The following LPGAT1 variants were observed in gnomAD, a reference collection of about 807,000 sequenced individuals.
LPGAT1 encodes lysophosphatidylglycerol acyltransferase 1.
A neutral mutation model predicts 47.5 loss-of-function variants in LPGAT1; 11 were observed. The observed-to-expected ratio is 0.23, with a 90% CI of 0.15 to 0.38. The LOEUF is 0.38. LPGAT1 is among the 10% of genes least tolerant of loss of function. LPGAT1 has a pLI of 1.00. For synonymous variants in LPGAT1, 138 were observed against 144.2 expected (o/e 0.96, Z 0.31); for missense variants, 293 against 439.0 (o/e 0.67, Z 2.97).
At position 211,808,083 on chromosome 1, in the gene LPGAT1, C is replaced by T. The variant is rs564450589; in HGVS notation, c.239-14893G>A. ...ATATCCCAAGTATATAGAAAACTCA[C>T]GCCTGTAATCCCAGCACTTTGGGAG... On this transcript the variant is annotated intron_variant, in intron 2 of 7. Coordinates refer to ENST00000366997, the MANE Select transcript of LPGAT1 (RefSeq NM_014873.3). Among the ~76,000 whole-genome samples, 20 of 152,248 alleles carry T rather than the reference C, an allele frequency of 1.3e-4. No individual in the cohort carries two copies. In the South Asian group the frequency reaches 3.7e-3, roughly 28 times the overall value.
Position 211,750,986 on chromosome 1 carries a change from GTCT to G in LPGAT1, c.933_935del (p.Glu311del). The G allele has an allele frequency of 6.2e-7, 1 of 1,613,030 alleles. No individual in the cohort carries two copies. Among genetic ancestry groups the G allele is most frequent in the Non-Finnish European group, 8.5e-7 (1 of 1,179,078 alleles). On this transcript the variant is annotated inframe_deletion, in exon 7 of 8. Coordinates refer to ENST00000366997, the MANE Select transcript of LPGAT1 (RefSeq NM_014873.3). ...CTGTTTCATAAAAATGTGATAAGAGGTCTTCTTTTTCAACAAACCGCTGATAGA... is the reference window on the plus strand; with the variant it reads ...CTGTTTCATAAAAATGTGATAAGAGGTCTTTTTCAACAAACCGCTGATAGA...
At chr1:211,779,210 G>A (rs1327555809) in intron 5 of LPGAT1, among the ~76,000 whole-genome samples, 166 bp from the exon 6 acceptor site, 1 of 152,130 alleles carries the variant, frequency 6.6e-6, no homozygotes, top group Non-Finnish European at 1.5e-5. Flanking sequence ...CTCTTCAGAA[G>A]AAATTAAGGA....
At chr1:211,791,611 G>A (rs1186741842) in intron 3 of LPGAT1, among the ~76,000 whole-genome samples, 1 of 152,000 alleles carries the variant, frequency 6.6e-6, no homozygotes, top group Non-Finnish European at 1.5e-5. Flanking sequence ...AGCCAGGCAT[G>A]GTACCCGTGC....
chr1:211,811,105 C>T (rs1484231907), intron 2 of LPGAT1, among the ~76,000 whole-genome samples: 1 of 152,182 alleles, frequency 6.6e-6, no homozygotes, highest in Non-Finnish European at 1.5e-5. Context: ...ACCATATCCT[C>T]CAATTCTTTA....
At chr1:211,788,497 A>G (rs540188024) in intron 3 of LPGAT1, among the ~76,000 whole-genome samples, 55 of 152,244 alleles carry the variant, frequency 3.6e-4, no homozygotes, top group Non-Finnish European at 7.2e-4. Flanking sequence ...AGCCTGGCCA[A>G]AATGGTGAAA....
intron 2 of LPGAT1, 69 bp from the exon 3 acceptor site, chr1:211,793,259 G>GA: frequency 1.0e-6 from 1 of 976,432 alleles, no homozygotes; most frequent in Non-Finnish European, 1.6e-6. Flanking sequence ...CCTTATATTA[G>GA]AAAAAATGAT....
chr1:211,770,737 A>G (rs2102517385), intron 6 of LPGAT1, among the ~76,000 whole-genome samples: 1 of 152,300 alleles, frequency 6.6e-6, no homozygotes, highest in East Asian at 1.9e-4. Context: ...CTCATCACTC[A>G]CTGACTCACT....
chr1:211,787,551 T>C lies in LPGAT1; in HGVS notation c.453+81A>G, dbSNP rs535939929. On this transcript the variant is annotated intron_variant, in intron 4 of 7. Coordinates refer to ENST00000366997, the MANE Select transcript of LPGAT1 (RefSeq NM_014873.3). Reference sequence around the variant, plus strand: ...TAGAAGCAGCCCTACCTATTATAATTGGTTTTGTTATACCTCTTTTTATAA... The same window carrying C: ...TAGAAGCAGCCCTACCTATTATAATCGGTTTTGTTATACCTCTTTTTATAA... The C allele has an allele frequency of 1.7e-4, 120 of 721,766 alleles. No individual in the cohort carries two copies. In the East Asian group the frequency reaches 3.2e-3, roughly 20 times the overall value. The allele number at this position is 721,766 out of a possible 1,614,324, so 44.7% of individuals were successfully genotyped here. A position where few individuals can be genotyped will look rare whatever the true frequency, so the allele number is the denominator to read the frequency against.
intron 6 of LPGAT1, among the ~76,000 whole-genome samples, chr1:211,762,335 G>A (rs1657733442): frequency 6.6e-6 from 1 of 152,120 alleles, no homozygotes; most frequent in Admixed American, 6.5e-5. Context: ...GCTTCAATGG[G>A]GTTGAACACG....
chr1:211,816,620 C>A (rs151171852), intron 2 of LPGAT1, among the ~76,000 whole-genome samples: 1 of 152,118 alleles, frequency 6.6e-6, no homozygotes, highest in Non-Finnish European at 1.5e-5. Flanking sequence ...TTTACACATG[C>A]CTTTTCCCAA....
At chr1:211,818,176 C>G (rs758306659) in intron 2 of LPGAT1, among the ~76,000 whole-genome samples, 6 of 152,108 alleles carry the variant, frequency 3.9e-5, no homozygotes, top group African/African-American at 1.4e-4. Flanking sequence ...GTCTTAGGCA[C>G]TACTAGGGCA....
At chr1:211,756,993 T>A (rs1402221177) in intron 6 of LPGAT1, among the ~76,000 whole-genome samples, 2 of 151,690 alleles carry the variant, frequency 1.3e-5, no homozygotes, top group African/African-American at 2.4e-5. Flanking sequence ...GTGCGGTGGC[T>A]CACACCTGTA....
chr1:211,791,718 G>GTTTCCCTGCTTTCCTC (rs1553310593), intron 3 of LPGAT1, among the ~76,000 whole-genome samples: 1 of 140,584 alleles, frequency 7.1e-6, no homozygotes, highest in Non-Finnish European at 1.5e-5. Flanking sequence ...CTGCACTCCA[G>GTTTCCCTGCTTTCCTC]CCTGGGCAAC....
At chr1:211,821,700 G>A (rs1660374011) in intron 2 of LPGAT1, among the ~76,000 whole-genome samples, 1 of 152,142 alleles carries the variant, frequency 6.6e-6, no homozygotes, top group Non-Finnish European at 1.5e-5. Context: ...TGAGGAAGAA[G>A]AGAAAGGGGA....
At chr1:211,755,268 G>A (rs949071688) in intron 6 of LPGAT1, among the ~76,000 whole-genome samples, 1 of 151,652 alleles carries the variant, frequency 6.6e-6, no homozygotes, top group Non-Finnish European at 1.5e-5. Flanking sequence ...AATCTAGGAG[G>A]TGGACGTTGC....
At chr1:211,827,663 AAGAC>A (rs1409573864) in intron 2 of LPGAT1, among the ~76,000 whole-genome samples, 96 of 152,322 alleles carry the variant, frequency 6.3e-4, no homozygotes, top group Non-Finnish European at 2.4e-4. Flanking sequence ...AAGCAACTCT[AAGAC>A]AGCAGTGCAA....
At chr1:211,813,996 G>C (rs1490034836) in intron 2 of LPGAT1, among the ~76,000 whole-genome samples, 1 of 152,110 alleles carries the variant, frequency 6.6e-6, no homozygotes, top group African/African-American at 2.4e-5. Flanking sequence ...CTTTTTTAAG[G>C]TCAAAAAATG....
rs1401658262 is a variant in LPGAT1, at chr1:211,751,012, A to G, written c.910T>C (p.Tyr304His). The change falls in exon 7 of 8, where the codon TAT becomes CAT. Residue 304 changes from tyrosine to histidine, a missense_variant. By Grantham distance (83) the Tyr-to-His change is moderately conservative (BLOSUM62 2). Coordinates refer to ENST00000366997, the MANE Select transcript of LPGAT1 (RefSeq NM_014873.3). Reference sequence around the variant, plus strand: ...TCTTCTTTTTCAACAAACCGCTGATAGAGCCAAGTGGTAAGGTCATCAGTC... The same window carrying G: ...TCTTCTTTTTCAACAAACCGCTGATGGAGCCAAGTGGTAAGGTCATCAGTC... The part of the protein sequence containing the change: ...LETDDLTTWL[Y>H]QRFVEKEDLL... 3 of 1,613,980 alleles carry G rather than the reference A, an allele frequency of 1.9e-6. No individual in the cohort carries two copies. In the South Asian group the frequency reaches 3.3e-5, roughly 18 times the overall value.
intron 6 of LPGAT1, among the ~76,000 whole-genome samples, chr1:211,773,131 T>A (rs961297775): frequency 6.6e-6 from 1 of 152,192 alleles, no homozygotes; most frequent in Non-Finnish European, 1.5e-5. Flanking sequence ...TTCACCTTAA[T>A]AAGTATAGTC....
Sources: allele counts gnomAD v4.1 joint callset (sites outside exome capture counted in the v4.1 genomes callset), GRCh38; gene constraint gnomAD v4.1.1; transcripts MANE v1.5; gene names NCBI Gene and HGNC (gene_info 2026-07-23, HGNC 2026-07-21).